The following STRA8 variants were observed in gnomAD, a reference collection of about 807,000 sequenced individuals.
The protein encoded by STRA8 is stimulated by retinoic acid 8.
In STRA8, 18 loss-of-function variants were observed where a neutral mutation model predicts 37.1. That is an observed-to-expected ratio of 0.48 (90% CI 0.34 to 0.72). The LOEUF is 0.72. Ranked by LOEUF, STRA8 falls within the 30% of genes least tolerant of loss-of-function variation. STRA8 has a pLI of 0.01. For missense variants in STRA8, 357 were observed against 410.4 expected, an observed-to-expected ratio of 0.87 and a Z score of 1.13; for synonymous variants, 168 against 162.9, an observed-to-expected ratio of 1.03 and a Z score of -0.24.
intron 2 of STRA8, among the ~76,000 whole-genome samples, chr7:135,241,971 C>T (rs961510373): frequency 9.9e-5 from 15 of 150,792 alleles, no homozygotes; most frequent in African/African-American, 2.4e-4. Context: ...TAGCATTGCT[C>T]GTTTTTGAAT....
intron 1 of STRA8, among the ~76,000 whole-genome samples, chr7:135,235,926 T>G (rs1832369458): frequency 6.6e-6 from 1 of 151,906 alleles, no homozygotes; most frequent in African/African-American, 2.4e-5. Context: ...CCGGGCAACA[T>G]AGTGAGACCC....
intron 8 of STRA8, 48 bp from the exon 9 acceptor site, chr7:135,258,370 C>A: frequency 6.6e-7 from 1 of 1,521,280 alleles, no homozygotes; most frequent in Non-Finnish European, 9.0e-7. Context: ...GCCTCGGGCC[C>A]AAGACCCACA....
chr7:135,237,737 C>T (rs1280274698), intron 1 of STRA8, among the ~76,000 whole-genome samples: 1 of 152,042 alleles, frequency 6.6e-6, no homozygotes, highest in East Asian at 1.9e-4. Context: ...ACTAAAAATA[C>T]AAAAATTAGC....
intron 6 of STRA8, among the ~76,000 whole-genome samples, chr7:135,251,478 ACTGAGGCTCTGGTAATTGCATCTCACAC>A: frequency 6.6e-6 from 1 of 152,260 alleles, no homozygotes; most frequent in East Asian, 1.9e-4. Context: ...TCAGTGGTAA[ACTGAGGCTCTGGTAATTGCATCTCACAC>A]CTGAGCTCCC....
Position 135,240,665 on chromosome 7 carries a change from C to T in STRA8, c.141C>T (p.Phe47=), listed in dbSNP as rs757563345. Residue 47 remains phenylalanine (F), a synonymous_variant, in exon 2 of 9, where the codon TTC becomes TTT. Transcript: ENST00000662584. The stretch of plus-strand genomic sequence containing the variant: ...ACCGAGCCACCCTGGCAGCGCTCTT[C>T]AACAACCTCAGGAAGACAGTGTACT... ...ARHRATLAAL[F]NNLRKTVYSQ... 3 of 1,614,092 alleles carry T rather than the reference C, an allele frequency of 1.9e-6. No individual in the cohort carries two copies. The highest frequency in any genetic ancestry group is 2.2e-5 in the South Asian group (2 of 91,052).
At chr7:135,248,265 C>T (rs1011939408) in intron 6 of STRA8, among the ~76,000 whole-genome samples, 2 of 152,234 alleles carry the variant, frequency 1.3e-5, no homozygotes, top group Non-Finnish European at 2.9e-5. Context: ...TTGCCCAGAA[C>T]TCCCAGCTCC....
At position 135,240,616 on chromosome 7, in the gene STRA8, G is replaced by C; in HGVS notation, c.92G>C (p.Arg31Pro). Residue 31 changes from arginine to proline, a missense_variant, in exon 2 of 9, where the codon CGG (arginine) becomes CCG (proline). Physicochemically the swap from Arg to Pro is moderately radical, Grantham distance 103. Transcript: ENST00000662584. ...CAGGAGCTTGAGCATCGGGTGGCCCGGAGACGGCTGTCCCAGGCCCGCCAC... is the reference window on the plus strand; with the variant it reads ...CAGGAGCTTGAGCATCGGGTGGCCCCGAGACGGCTGTCCCAGGCCCGCCAC... ...QLQELEHRVA[R>P]RRLSQARHRA... The C allele has an allele frequency of 6.2e-7, 1 of 1,614,142 alleles. No homozygotes were observed. The highest frequency in any genetic ancestry group is 1.3e-5 in the African/African-American group (1 of 75,048).
rs74303700 is a variant in STRA8 at position 135,256,480 on chromosome 7, G to A, written c.1065+1255G>A. On this transcript the variant is annotated intron_variant, in intron 8 of 8. Transcript: ENST00000662584. ...CTCCTTCTCCATATATGGCAGAAAA[G>A]ATAACAAGCAGGGATTCTTGTATCC... Among the ~76,000 whole-genome samples, 2,650 of 152,280 alleles carry A rather than the reference G, an allele frequency of 0.017. 294 individuals carry two copies. The East Asian group carries it at 0.32, about 19-fold the overall frequency.
chr7:135,235,133 A>G (rs1832351787), intron 1 of STRA8, among the ~76,000 whole-genome samples: 2 of 152,148 alleles, frequency 1.3e-5, no homozygotes, highest in African/African-American at 4.8e-5. Flanking sequence ...CAGCCTCCCA[A>G]AGTGCTAGGA....
intron 6 of STRA8, among the ~76,000 whole-genome samples, chr7:135,248,418 G>T (rs769479328): frequency 6.6e-6 from 1 of 151,894 alleles, no homozygotes; most frequent in Non-Finnish European, 1.5e-5. Flanking sequence ...AAAGTCAGGT[G>T]CCTGGCTGGG....
At position 135,240,570 on chromosome 7, in the gene STRA8, C is replaced by T; in HGVS notation, c.46C>T (p.Pro16Ser). The T allele has an allele frequency of 1.9e-6, 3 of 1,614,166 alleles. No individual in the cohort carries two copies. Among genetic ancestry groups the T allele is most frequent in the Non-Finnish European group, 2.5e-6 (3 of 1,180,034 alleles). Residue 16 changes from proline (P) to serine (S), a missense_variant, in exon 2 of 9, where the codon CCC (proline) becomes TCC (serine). Physicochemically the swap from Pro to Ser is moderately conservative, Grantham distance 74. Transcript: ENST00000662584. ...CAGCAATCCCCATGACAGAGCAACA[C>T]CCCAGCTGCCAGCACAGCTGCAGGA... ...ENSNPHDRAT[P>S]QLPAQLQELE... is the part of the protein sequence containing the mutation.
chr7:135,241,216 T>C (rs1832460012), intron 2 of STRA8, among the ~76,000 whole-genome samples: 1 of 152,150 alleles, frequency 6.6e-6, no homozygotes, highest in Non-Finnish European at 1.5e-5. Context: ...CAGCCCCTGG[T>C]TCCAAGTCTT....
chr7:135,233,374 C>T (rs553636796), upstream of STRA8, among the ~76,000 whole-genome samples: 10 of 152,200 alleles, frequency 6.6e-5, no homozygotes, highest in Admixed American at 5.2e-4. Flanking sequence ...CATGTTTTCG[C>T]TTGAGGCAGC....
At chr7:135,257,134 G>T (rs1330772995) in intron 8 of STRA8, among the ~76,000 whole-genome samples, 1 of 152,194 alleles carries the variant, frequency 6.6e-6, no homozygotes, top group Admixed American at 6.5e-5. Flanking sequence ...CTTCTCCAGG[G>T]CAGGAAAGGC....
chr7:135,245,346 G>C lies in STRA8; in HGVS notation c.412G>C (p.Val138Leu), dbSNP rs1832530938. Residue 138 changes from valine to leucine, a missense_variant, in exon 5 of 9, where the codon GTC (valine) becomes CTC (leucine). Physicochemically the swap from Val to Leu is conservative, Grantham distance 32. Transcript: ENST00000662584. ...GSSPWCPTEAVRKDAEEEEDE... is the reference protein window; with the variant it reads ...GSSPWCPTEALRKDAEEEEDE... The stretch of plus-strand genomic sequence containing the variant: ...CTCCCCTTGGTGCCCAACTGAGGCA[G>C]TCAGGAAGGATGCTGAGGAGGAGGA... 1 of 780,796 alleles carries C rather than the reference G, an allele frequency of 1.3e-6. No homozygotes were observed. Among genetic ancestry groups the C allele is most frequent in the Non-Finnish European group, 2.4e-6 (1 of 418,072 alleles). 48.4% of individuals were successfully genotyped at this position (780,796 alleles called of 1,614,324 possible).
At chr7:135,255,366 G>T in intron 8 of STRA8, 141 bp downstream of exon 8, 1 of 627,666 alleles carries the variant, frequency 1.6e-6, no homozygotes. Context: ...CATTCTCTCT[G>T]GCTTGCTCCA....
chr7:135,232,306 C>T (rs1585462064), upstream of STRA8, among the ~76,000 whole-genome samples: 2 of 151,662 alleles, frequency 1.3e-5, no homozygotes, highest in Non-Finnish European at 2.9e-5. Context: ...TGTGGGCAGG[C>T]CCAGGAGAGA....
intron 1 of STRA8, among the ~76,000 whole-genome samples, chr7:135,236,278 A>ATG (rs57585247): frequency 0.39 from 53,622 of 137,818 alleles, 9,556 homozygotes; most frequent in South Asian, 0.52. Flanking sequence ...GTGTGTGTGT[A>ATG]TGTGTGTGTG....
chr7:135,257,338 C>T (rs1470080029), intron 8 of STRA8, among the ~76,000 whole-genome samples: 1 of 152,212 alleles, frequency 6.6e-6, no homozygotes, highest in African/African-American at 2.4e-5. Context: ...GCCTCAGGAA[C>T]ATATTTTTAG....
Sources: gnomAD v4.1 joint callset for allele counts (sites outside exome capture counted in the v4.1 genomes callset) on GRCh38, gnomAD v4.1.1 for gene constraint, MANE v1.5 for transcripts, NCBI Gene and HGNC (gene_info 2026-07-23, HGNC 2026-07-21) for gene names.